KIF14: variants seen among roughly 807,000 people sequenced by gnomAD.
KIF14 encodes the protein kinesin family member 14.
KIF14 carries 98 observed loss-of-function variants against 176.2 expected under a neutral mutation model. That is an observed-to-expected ratio of 0.56 (90% CI 0.47 to 0.66). The LOEUF is 0.66. Ranked by LOEUF, KIF14 falls within the 30% of genes least tolerant of loss-of-function variation. KIF14 has a pLI of 0.00. For synonymous variants in KIF14, 566 were observed against 632.2 expected, an observed-to-expected ratio of 0.90 and a Z score of 1.57; for missense variants, 1,751 against 1,920.4, an observed-to-expected ratio of 0.91 and a Z score of 1.65.
intron 4 of KIF14, among the ~76,000 whole-genome samples, chr1:200,611,104 C>T: frequency 6.6e-6 from 1 of 152,150 alleles, no homozygotes; most frequent in African/African-American, 2.4e-5. Context: ...AAACGGGAAA[C>T]TTTGCTTCCA....
chr1:200,554,672 AAT>A, intron 28 of KIF14, 66 bp from the exon 29 acceptor site: 2 of 791,840 alleles, frequency 2.5e-6, no homozygotes, highest in Non-Finnish European at 3.9e-6. Context: ...AGGCTCAGTC[AAT>A]ATGATTTTAA....
rs372672135 is a variant in KIF14, at chr1:200,618,739, T to C, written c.-16A>G. ...GTAATGACATTTTGGCAGACAGTTA[T>C]TTTAAAAAAGAATGTTACTAAGACC... On this transcript the variant is annotated 5_prime_UTR_variant, in exon 2 of 30. Transcript: ENST00000367350. 4 of 1,570,300 alleles carry C rather than the reference T, an allele frequency of 2.5e-6. No homozygotes were observed. Among genetic ancestry groups the C allele is most frequent in the African/African-American group, 1.4e-5 (1 of 73,774 alleles).
chr1:200,598,544 G>A, intron 13 of KIF14, 123 bp from the exon 14 acceptor site: 5 of 589,736 alleles, frequency 8.5e-6, no homozygotes, highest in Non-Finnish European at 1.3e-5. Flanking sequence ...TAAATTAAAG[G>A]TTATTTATTT....
intron 25 of KIF14, among the ~76,000 whole-genome samples, chr1:200,564,479 T>C (rs75765225): frequency 0.052 from 7,934 of 152,182 alleles, 240 homozygotes; most frequent in Middle Eastern, 0.082. Flanking sequence ...TGAGAGAGAA[T>C]AAGCTTTCAT....
intron 5 of KIF14, 119 bp from the exon 6 acceptor site, chr1:200,606,917 GAA>G (rs397971195): frequency 2.2e-5 from 14 of 647,526 alleles, no homozygotes; most frequent in South Asian, 4.3e-5. Context: ...TTTTATCCAG[GAA>G]AAAAAAAAAC....
At chr1:200,581,945 T>C (rs1658485334) in intron 19 of KIF14, among the ~76,000 whole-genome samples, 1 of 151,772 alleles carries the variant, frequency 6.6e-6, no homozygotes, top group Non-Finnish European at 1.5e-5. Flanking sequence ...AACTTTCTTA[T>C]ATTTTGTAGA....
intron 2 of KIF14, 102 bp from the exon 3 acceptor site, chr1:200,615,711 C>T: frequency 9.8e-7 from 1 of 1,015,932 alleles, no homozygotes; most frequent in Non-Finnish European, 1.4e-6. Flanking sequence ...AACAATCTTC[C>T]AAGGCAAGAT....
intron 22 of KIF14, among the ~76,000 whole-genome samples, chr1:200,571,381 T>C (rs1293641344): frequency 2.0e-5 from 3 of 151,824 alleles, no homozygotes; most frequent in Non-Finnish European, 4.4e-5. Context: ...TAAGCTGTTA[T>C]TTTCTTTCTT....
chr1:200,589,079 A>T (rs1481902123), intron 18 of KIF14, 138 bp downstream of exon 18: 5 of 635,446 alleles, frequency 7.9e-6, no homozygotes, highest in African/African-American at 3.7e-5. Context: ...GCTTTCAGGC[A>T]AGAAGTACTT....
chr1:200,606,477 T>A (rs1370345647), intron 6 of KIF14, among the ~76,000 whole-genome samples: 1 of 152,106 alleles, frequency 6.6e-6, no homozygotes, highest in East Asian at 1.9e-4. Flanking sequence ...AAGCAAATAT[T>A]TACTTCATAG....
Position 200,614,255 on chromosome 1 carries a change from T to G in KIF14, c.1455+63A>C, listed in dbSNP as rs1660295112. On this transcript the variant is annotated intron_variant, in intron 4 of 29. Coordinates refer to ENST00000367350, the MANE Select transcript of KIF14 (RefSeq NM_014875.3). ...GTATTTCCTTAGTGGCCATGACTGA[T>G]TTGAACTTGATTTGACTATTTTCTA... The G allele has an allele frequency of 8.1e-5, 72 of 884,358 alleles. 1 individual carries two copies. In the South Asian group the frequency reaches 1.0e-3, roughly 12 times the overall value. 54.8% of individuals were successfully genotyped at this position (884,358 alleles called of 1,614,324 possible).
At chr1:200,568,972 T>C (rs962028982) in intron 23 of KIF14, among the ~76,000 whole-genome samples, 23 of 149,750 alleles carry the variant, frequency 1.5e-4, no homozygotes, top group Non-Finnish European at 3.0e-4. Context: ...GTTGCCCAGG[T>C]TGGAGTGCAA....
At chr1:200,581,401 G>T in intron 19 of KIF14, 107 bp from the exon 20 acceptor site, 2 of 530,580 alleles carry the variant, frequency 3.8e-6, no homozygotes, top group South Asian at 3.5e-5. Context: ...TAAATGAATG[G>T]TTTTAACTCT....
In KIF14 at chr1:200,553,695, C is replaced by T; in HGVS notation, c.4640G>A (p.Ser1547Asn). 1 of 1,612,942 alleles carries T rather than the reference C, an allele frequency of 6.2e-7. No homozygotes were observed. Among genetic ancestry groups the T allele is most frequent in the Non-Finnish European group, 8.5e-7 (1 of 1,179,180 alleles). The change falls in exon 30 of 30, where the codon AGT (serine) becomes AAT (asparagine). Residue 1547 changes from serine (S) to asparagine (N), a missense_variant. Coordinates refer to ENST00000367350, the MANE Select transcript of KIF14 (RefSeq NM_014875.3). ...AGAAGTAGAAGGCACACTGAAGTCA[C>T]TGTAAAAATCACTGGCCAAGTTGCG... ...SIRNLASDFY[S>N]DFSVPSTSVG... is the part of the protein sequence containing the mutation.
intron 16 of KIF14, among the ~76,000 whole-genome samples, chr1:200,591,603 A>G (rs111874018): frequency 1.3e-5 from 2 of 152,352 alleles, no homozygotes; most frequent in African/African-American, 4.8e-5. Flanking sequence ...AAACTGGGGC[A>G]CAAGAAGAAA....
chr1:200,560,328 C>A (rs7527984), intron 26 of KIF14, among the ~76,000 whole-genome samples: 80,473 of 151,858 alleles, frequency 0.53, 22,099 homozygotes, highest in East Asian at 0.69. Context: ...CTGGAGTGCA[C>A]TGGCGCAATC....
intron 8 of KIF14, 90 bp downstream of exon 8, chr1:200,605,193 T>G: frequency 4.8e-5 from 60 of 1,246,756 alleles, no homozygotes; most frequent in Middle Eastern, 2.0e-4. Flanking sequence ...GAAAACTGAA[T>G]GAGATCGGGA....
Position 200,581,182 on chromosome 1 carries a change from A to G in KIF14, c.3335+19T>C, listed in dbSNP as rs778355638. 3 of 1,383,370 alleles carry G rather than the reference A, an allele frequency of 2.2e-6. No individual in the cohort carries two copies. The highest frequency in any genetic ancestry group is 3.0e-6 in the Non-Finnish European group (3 of 997,656). The allele number at this position is 1,383,370 out of a possible 1,614,324, so 85.7% of individuals were successfully genotyped here. A position where few individuals can be genotyped will look rare whatever the true frequency, so the allele number is the denominator to read the frequency against. On this transcript the variant is annotated intron_variant, in intron 20 of 29. Coordinates refer to ENST00000367350, the MANE Select transcript of KIF14 (RefSeq NM_014875.3). ...CAACTTGTTTAAAACATTTAAAATCAGGATAATTAATTACTCACCTGCCAA... is the reference window on the plus strand; with the variant it reads ...CAACTTGTTTAAAACATTTAAAATCGGGATAATTAATTACTCACCTGCCAA...
intron 4 of KIF14, among the ~76,000 whole-genome samples, chr1:200,610,509 CAAAAA>C (rs35647787): frequency 2.8e-5 from 3 of 107,878 alleles, no homozygotes; most frequent in Admixed American, 9.6e-5. Flanking sequence ...GACTTCCTCT[CAAAAA>C]AAAAAAAAAA....
Sources: gnomAD v4.1 joint callset for allele counts (sites outside exome capture counted in the v4.1 genomes callset) on GRCh38, gnomAD v4.1.1 for gene constraint, MANE v1.5 for transcripts, NCBI Gene and HGNC (gene_info 2026-07-23, HGNC 2026-07-21) for gene names.